PRR11: variants seen among roughly 807,000 people sequenced by gnomAD.
PRR11 encodes proline-rich protein 11.
In PRR11, 30 loss-of-function variants were observed where a neutral mutation model predicts 45.6. The observed-to-expected ratio is 0.66, with a 90% confidence interval of 0.49 to 0.89. The LOEUF is 0.89. PRR11 is among the 40% of genes least tolerant of loss of function. The pLI, the probability that PRR11 is intolerant of heterozygous loss-of-function variation, is 0.00. For missense variants in PRR11, 373 were observed against 424.8 expected (o/e 0.88, Z 1.07); for synonymous variants, 128 against 153.5 (o/e 0.83, Z 1.23).
intron 1 of PRR11, among the ~76,000 whole-genome samples, chr17:59,157,708 CAA>C (rs112975995): frequency 7.1e-6 from 1 of 141,108 alleles, no homozygotes; most frequent in Non-Finnish European, 1.6e-5. Context: ...TCCACCCCCC[CAA>C]AAAAAAAAAA....
intron 2 of PRR11, chr17:59,175,184 G>T: frequency 2.0e-6 from 1 of 490,276 alleles, no homozygotes; most frequent in Non-Finnish European, 3.8e-6. Context: ...ACCTCTGGCT[G>T]AGGTCAGCTT....
rs913776553 is a variant in PRR11 at position 59,200,638 on chromosome 17, G to A, written c.1015-925G>A. Among the ~76,000 whole-genome samples the A allele has an allele frequency of 9.2e-5, 14 of 151,980 alleles. 1 individual carries two copies. The highest frequency in any genetic ancestry group is 8.5e-4 in the Admixed American group (13 of 15,244). On this transcript the variant is annotated intron_variant, in intron 9 of 9. Coordinates refer to ENST00000262293, the MANE Select transcript of PRR11 (RefSeq NM_018304.4). ...CTCCCGAATAGCTGGGACTACAGGC[G>A]CCCGCCACCACGCCCGGCTAATTTT...
At position 59,193,668 on chromosome 17, in the gene PRR11, G is replaced by T; in HGVS notation, c.579G>T (p.Leu193=). 1 of 1,613,858 alleles carries T rather than the reference G, an allele frequency of 6.2e-7. No homozygotes were observed. The highest frequency in any genetic ancestry group is 8.5e-7 in the Non-Finnish European group (1 of 1,179,922). The change falls in exon 5 of 10, where the codon CTG becomes CTT. Residue 193 remains leucine, a synonymous_variant. Transcript: ENST00000262293. ...HFPPPPPPPP[L]PPPPPPLAPV... is the part of the protein sequence containing the mutation. Reference sequence around the variant, plus strand: ...CTCCTCCTCCTCCACCTCCACCTCTGCCACCTCCTCCACCACCACTAGCAC... The same window carrying T: ...CTCCTCCTCCTCCACCTCCACCTCTTCCACCTCCTCCACCACCACTAGCAC...
chr17:59,172,154 C>G (rs904825109), intron 2 of PRR11, among the ~76,000 whole-genome samples: 8 of 152,206 alleles, frequency 5.3e-5, no homozygotes, highest in Non-Finnish European at 4.4e-5. Context: ...ACAAAGAATT[C>G]TGTGCTAATC....
chr17:59,184,264 C>T (rs990670885), intron 2 of PRR11, among the ~76,000 whole-genome samples: 1 of 152,046 alleles, frequency 6.6e-6, no homozygotes, highest in Non-Finnish European at 1.5e-5. Context: ...GAGTGTGAGA[C>T]CAGCCTGGCC....
intron 9 of PRR11, among the ~76,000 whole-genome samples, chr17:59,200,616 C>A (rs2046887708): frequency 6.6e-6 from 1 of 152,150 alleles, no homozygotes; most frequent in South Asian, 2.1e-4. Context: ...CCTCAGCCTC[C>A]CGAATAGCTG....
At position 59,181,082 on chromosome 17, in the gene PRR11, G is replaced by A. The variant is rs187788460; in HGVS notation, c.129-3972G>A. 7.1e-4 allele frequency among the ~76,000 whole-genome samples: 107 copies of A among 150,680 alleles called. 4 individuals are homozygous for A. Among genetic ancestry groups the A allele is most frequent in the African/African-American group, 2.0e-3 (81 of 40,732 alleles). On this transcript the variant is annotated intron_variant, in intron 2 of 9. Coordinates refer to ENST00000262293, the MANE Select transcript of PRR11 (RefSeq NM_018304.4). ...TCAGCTCACTGCAAGCAACACCTCC[G>A]GGGTTCACGCCATTCTGCTGCCTCA...
At chr17:59,161,752 A>T (rs1023828129) in intron 1 of PRR11, among the ~76,000 whole-genome samples, 1 of 152,216 alleles carries the variant, frequency 6.6e-6, no homozygotes, top group Non-Finnish European at 1.5e-5. Context: ...CTGTCTCAAA[A>T]CAAAAGGAAA....
intron 1 of PRR11, among the ~76,000 whole-genome samples, chr17:59,162,860 T>G (rs1022605808): frequency 6.6e-6 from 1 of 150,658 alleles, no homozygotes; most frequent in Non-Finnish European, 1.5e-5. Flanking sequence ...TCCAAGTAGC[T>G]GGGATTACTG....
chr17:59,188,841 G>A (rs1241342744), intron 4 of PRR11, among the ~76,000 whole-genome samples: 4 of 151,882 alleles, frequency 2.6e-5, no homozygotes, highest in African/African-American at 4.8e-5. Context: ...TCAAGAGGCT[G>A]AGGCAGGAGA....
At chr17:59,183,529 G>A (rs974387868) in intron 2 of PRR11, among the ~76,000 whole-genome samples, 10 of 152,134 alleles carry the variant, frequency 6.6e-5, no homozygotes, top group Admixed American at 6.6e-5. Context: ...TATACTGGGG[G>A]TACACGTGTC....
At position 59,195,029 on chromosome 17, in the gene PRR11, G is replaced by A. The variant is rs143343968; in HGVS notation, c.744+174G>A. 3.2e-3 allele frequency among the ~76,000 whole-genome samples: 480 copies of A among 152,246 alleles called. 2 individuals are homozygous for A. The highest frequency in any genetic ancestry group is 0.011 in the African/African-American group (462 of 41,526). On this transcript the variant is annotated intron_variant, in intron 6 of 9. Coordinates refer to ENST00000262293, the MANE Select transcript of PRR11 (RefSeq NM_018304.4). ...TCTCAATTTGTATACAATTGGGGTCGGGGGTGCTGGAGGGAGAAGTCATTT... is the reference window on the plus strand; with the variant it reads ...TCTCAATTTGTATACAATTGGGGTCAGGGGTGCTGGAGGGAGAAGTCATTT...
At chr17:59,159,312 T>G (rs1599688075) in intron 1 of PRR11, among the ~76,000 whole-genome samples, 1 of 152,310 alleles carries the variant, frequency 6.6e-6, no homozygotes, top group East Asian at 1.9e-4. Flanking sequence ...TTTCACTCAT[T>G]TCTAGTGTTG....
At position 59,185,222 on chromosome 17, in the gene PRR11, C is replaced by T. The variant is rs1599702844; in HGVS notation, c.279+18C>T. On this transcript the variant is annotated intron_variant, in intron 3 of 9. Transcript: ENST00000262293. ...TAACCCAGGTATGGATGTGACATCC[C>T]TGTTTTCAGTGCTATAGTTTTTCTA... is the stretch of plus-strand genomic sequence containing the variant. The T allele has an allele frequency of 3.7e-6, 6 of 1,611,986 alleles. No homozygotes were observed. The East Asian group carries it at 1.3e-4, about 36-fold the overall frequency.
intron 1 of PRR11, among the ~76,000 whole-genome samples, chr17:59,158,915 G>T (rs773287802): frequency 2.0e-5 from 3 of 152,192 alleles, no homozygotes; most frequent in Admixed American, 6.5e-5. Context: ...CCACCTCCTA[G>T]ATTCAAGTGA....
At position 59,194,772 on chromosome 17, in the gene PRR11, AAAG is replaced by A. The variant is rs772733999; in HGVS notation, c.663_665del (p.Lys221_Asp222delinsAsn). The A allele has an allele frequency of 1.9e-6, 3 of 1,613,076 alleles. No individual in the cohort carries two copies. In the African/African-American group the frequency reaches 4.0e-5, roughly 22 times the overall value. On this transcript the variant is annotated inframe_deletion, in exon 6 of 10. Coordinates refer to ENST00000262293, the MANE Select transcript of PRR11 (RefSeq NM_018304.4). ...GTATTTTAAGGCTGGACCATTAAAA[AAAG>A]ATGGACCCATGCAGATAACAGTTAA...
intron 1 of PRR11, among the ~76,000 whole-genome samples, chr17:59,156,467 T>A (rs927979596): frequency 6.6e-6 from 1 of 151,592 alleles, no homozygotes; most frequent in East Asian, 1.9e-4. Flanking sequence ...AATAGTGCTA[T>A]GGGTGTTCAA....
chr17:59,164,004 G>C (rs1416527674), intron 1 of PRR11, among the ~76,000 whole-genome samples: 1 of 152,174 alleles, frequency 6.6e-6, no homozygotes, highest in African/African-American at 2.4e-5. Flanking sequence ...GGTGGGCGGA[G>C]GTTGCAGTGA....
At position 59,205,670 on chromosome 17, in the gene PRR11, G is replaced by T. The variant is rs1001767266; in HGVS notation, c.*4039G>T. On this transcript the variant is annotated 3_prime_UTR_variant, in exon 10 of 10. Transcript: ENST00000262293. ...GCCGAGATCGCCCCATTGCACTCCA[G>T]CTTGAGCAACAAGAGCGAAACTGTC... Among the ~76,000 whole-genome samples, 1 of 151,134 alleles carries T rather than the reference G, an allele frequency of 6.6e-6. No homozygotes were observed. Among genetic ancestry groups the T allele is most frequent in the Non-Finnish European group, 1.5e-5 (1 of 67,930 alleles).
Sources: gnomAD v4.1 joint callset for allele counts (sites outside exome capture counted in the v4.1 genomes callset) on GRCh38, gnomAD v4.1.1 for gene constraint, MANE v1.5 for transcripts, NCBI Gene and HGNC (gene_info 2026-07-23, HGNC 2026-07-21) for gene names.